The following ITSN1 variants were observed in gnomAD, a reference collection of about 807,000 sequenced individuals.
ITSN1 encodes the protein intersectin 1.
Under a neutral mutation model 239.8 loss-of-function variants are expected in ITSN1, and 58 were observed. The observed-to-expected ratio is 0.24, with a 90% confidence interval of 0.20 to 0.30. ITSN1 has a LOEUF of 0.30. ITSN1 is among the 10% of genes least tolerant of loss of function. ITSN1 has a pLI of 1.00. For synonymous variants in ITSN1, 780 were observed against 770.8 expected (o/e 1.01, Z -0.20); for missense variants, 1,558 against 2,103.3 (o/e 0.74, Z 5.07).
intron 5 of ITSN1, among the ~76,000 whole-genome samples, chr21:33,747,964 C>T (rs1435920425): frequency 6.6e-6 from 1 of 151,994 alleles, no homozygotes; most frequent in Non-Finnish European, 1.5e-5. Flanking sequence ...CTTCTTTTCT[C>T]TCAAGTTTAA....
chr21:33,685,758 G>GA (rs368764907), intron 1 of ITSN1, among the ~76,000 whole-genome samples: 53 of 152,064 alleles, frequency 3.5e-4, no homozygotes, highest in African/African-American at 1.3e-3. Flanking sequence ...ACTTTAAACT[G>GA]AATTCCTTTT....
At chr21:33,776,422 AT>A (rs1462024288) in intron 14 of ITSN1, among the ~76,000 whole-genome samples, 3 of 151,000 alleles carry the variant, frequency 2.0e-5, no homozygotes, top group African/African-American at 7.3e-5. Context: ...ATTAGCTGGC[AT>A]GGGGGCGTTC....
chr21:33,665,414 G>A (rs2146309008), intron 1 of ITSN1, among the ~76,000 whole-genome samples: 1 of 152,254 alleles, frequency 6.6e-6, no homozygotes, highest in Middle Eastern at 3.4e-3. Flanking sequence ...TAGGGAAATG[G>A]AAATCAAAAC....
intron 29 of ITSN1, among the ~76,000 whole-genome samples, chr21:33,851,077 G>C (rs1467724748): frequency 6.6e-6 from 1 of 152,168 alleles, no homozygotes; most frequent in Non-Finnish European, 1.5e-5. Flanking sequence ...CTTGCTTATT[G>C]CTCTCTCTCC....
intron 1 of ITSN1, among the ~76,000 whole-genome samples, chr21:33,669,544 A>G (rs1289731146): frequency 1.3e-5 from 2 of 151,914 alleles, no homozygotes; most frequent in Non-Finnish European, 2.9e-5. Context: ...GGTTCAAGCA[A>G]TTCTCCTGCC....
rs564730163 is a variant in ITSN1, at chr21:33,785,308, T to C, written c.1824+3175T>C. Among the ~76,000 whole-genome samples, 3 of 152,340 alleles carry C rather than the reference T, an allele frequency of 2.0e-5. No homozygotes were observed. The South Asian group carries it at 6.2e-4, about 32-fold the overall frequency. On this transcript the variant is annotated intron_variant, in intron 16 of 39. Coordinates refer to ENST00000381318, the MANE Select transcript of ITSN1 (RefSeq NM_003024.3). ...ATTGCAATAAGTCATTCACCTACTT[T>C]GATGCATGCTCAGAGTTATGTCCAG...
chr21:33,736,239 C>T (rs913863926), intron 5 of ITSN1, among the ~76,000 whole-genome samples: 3 of 152,236 alleles, frequency 2.0e-5, no homozygotes, highest in Non-Finnish European at 2.9e-5. Context: ...CCTCAGATAG[C>T]TGATGATAGG....
chr21:33,735,335 C>G, intron 5 of ITSN1, 131 bp downstream of exon 5: 1 of 916,702 alleles, frequency 1.1e-6, no homozygotes, highest in South Asian at 1.4e-5. Flanking sequence ...AATGATGGCC[C>G]CCTGCAGGAA....
chr21:33,646,585 A>T (rs1187447211), intron 1 of ITSN1, among the ~76,000 whole-genome samples: 2 of 152,184 alleles, frequency 1.3e-5, no homozygotes, highest in African/African-American at 2.4e-5. Context: ...GTTTGACCAC[A>T]CATAGTCAGG....
At chr21:33,775,838 G>C (rs1048370399) in intron 14 of ITSN1, among the ~76,000 whole-genome samples, 1 of 152,196 alleles carries the variant, frequency 6.6e-6, no homozygotes, top group Non-Finnish European at 1.5e-5. Flanking sequence ...GAGACATACA[G>C]AGCACTTTTA....
At chr21:33,715,351 A>G (rs1292186425) in intron 1 of ITSN1, among the ~76,000 whole-genome samples, 1 of 152,216 alleles carries the variant, frequency 6.6e-6, no homozygotes, top group Non-Finnish European at 1.5e-5. Flanking sequence ...AGAGAAATCA[A>G]TAACCTCTTT....
chr21:33,837,899 C>A (rs1276024610), intron 29 of ITSN1: 4 of 985,810 alleles, frequency 4.1e-6, no homozygotes, highest in African/African-American at 1.7e-5. Flanking sequence ...TTACGATCAA[C>A]GATATCCACA....
intron 5 of ITSN1, 128 bp downstream of exon 5, chr21:33,735,332 G>T (rs2066429959): frequency 2.2e-6 from 2 of 927,856 alleles, no homozygotes; most frequent in African/African-American, 3.3e-5. Flanking sequence ...AAAAATGATG[G>T]CCCCCTGCAG....
intron 29 of ITSN1, among the ~76,000 whole-genome samples, chr21:33,848,689 T>A (rs74666904): frequency 1.6e-4 from 24 of 152,230 alleles, no homozygotes; most frequent in African/African-American, 5.5e-4. Context: ...TTGTGAGCTC[T>A]GAGTGGCGTT....
At chr21:33,661,742 G>A (rs910047968) in intron 1 of ITSN1, among the ~76,000 whole-genome samples, 3 of 152,126 alleles carry the variant, frequency 2.0e-5, no homozygotes, top group Non-Finnish European at 2.9e-5. Flanking sequence ...GTGGTAGTGA[G>A]TGAGTCTTAG....
At chr21:33,652,483 G>A (rs2088627314) in intron 1 of ITSN1, among the ~76,000 whole-genome samples, 1 of 151,906 alleles carries the variant, frequency 6.6e-6, no homozygotes, top group Non-Finnish European at 1.5e-5. Context: ...TTGCTACATC[G>A]TCATATATGT....
At chr21:33,826,138 C>A (rs115984434) in intron 25 of ITSN1, among the ~76,000 whole-genome samples, 2,488 of 152,218 alleles carry the variant, frequency 0.016, 72 homozygotes, top group African/African-American at 0.058. Context: ...GGAATTCAAC[C>A]CCAGAGCACT....
intron 16 of ITSN1, among the ~76,000 whole-genome samples, chr21:33,784,311 ACAC>A (rs2070454473): frequency 7.7e-5 from 1 of 13,058 alleles, no homozygotes; most frequent in African/African-American, 2.2e-4. Flanking sequence ...TCTCTACAAA[ACAC>A]ACACACACAC....
At chr21:33,830,383 G>A (rs1345019658) in intron 27 of ITSN1, among the ~76,000 whole-genome samples, 1 of 152,160 alleles carries the variant, frequency 6.6e-6, no homozygotes, top group East Asian at 1.9e-4. Flanking sequence ...GTCTTGAAGT[G>A]ACCCCCACAG....
Sources: allele counts gnomAD v4.1 joint callset (sites outside exome capture counted in the v4.1 genomes callset), GRCh38; gene constraint gnomAD v4.1.1; transcripts MANE v1.5; gene names NCBI Gene and HGNC (gene_info 2026-07-23, HGNC 2026-07-21).